The following ROS1 variants were observed in gnomAD, a reference collection of about 807,000 sequenced individuals.
The protein encoded by ROS1 is proto-oncogene tyrosine-protein kinase ROS.
A neutral mutation model predicts 273.5 loss-of-function variants in ROS1; 263 were observed. The ratio of observed to expected loss-of-function variants is 0.96; its 90% confidence interval spans 0.87 to 1.06. The LOEUF (loss-of-function observed/expected upper bound fraction) is 1.06. Ranked by LOEUF, ROS1 falls within the 50% of genes least tolerant of loss-of-function variation. The pLI is 0.00. For missense variants in ROS1, 2,833 were observed against 2,751.1 expected (o/e 1.03, Z -0.67); for synonymous variants, 1,008 against 954.1 (o/e 1.06, Z -1.04).
intron 18 of ROS1, among the ~76,000 whole-genome samples, chr6:117,371,443 A>C (rs1305565151): frequency 6.6e-6 from 1 of 152,166 alleles, no homozygotes; most frequent in African/African-American, 2.4e-5. Context: ...CCCCAGGGAA[A>C]CCATTCCTGA....
At chr6:117,327,391 C>T (rs1046077249) in intron 33 of ROS1, among the ~76,000 whole-genome samples, 1 of 152,124 alleles carries the variant, frequency 6.6e-6, no homozygotes. Flanking sequence ...TTAGCATTGG[C>T]CATTTCACTG....
rs1327350309 is a variant in ROS1, at chr6:117,287,885, TCCAG to T, written c.*603_*606del. On this transcript the variant is annotated 3_prime_UTR_variant, in exon 44 of 44. Coordinates refer to ENST00000368507, the MANE Select transcript of ROS1 (RefSeq NM_001378902.1). ...CAGTGCCGAGATCGTGCCATTGAAC[TCCAG>T]CCTGGGCAACAGAGCAAGACTTCGT... is the stretch of plus-strand genomic sequence containing the variant. Among the ~76,000 whole-genome samples the T allele has an allele frequency of 7.0e-6, 1 of 142,024 alleles. No individual in the cohort carries two copies. The highest frequency in any genetic ancestry group is 2.6e-5 in the African/African-American group (1 of 37,780). The allele number at this position is 142,024 out of a possible 152,430, so 93.2% of individuals were successfully genotyped here.
chr6:117,332,821 A>C (rs1777182696), intron 32 of ROS1, among the ~76,000 whole-genome samples: 1 of 152,206 alleles, frequency 6.6e-6, no homozygotes, highest in Non-Finnish European at 1.5e-5. Flanking sequence ...ATGTACCAGA[A>C]TCTCTGGGAC....
intron 2 of ROS1, 133 bp downstream of exon 2, chr6:117,418,329 T>C (rs981920460): frequency 1.2e-5 from 8 of 674,178 alleles, no homozygotes; most frequent in Non-Finnish European, 1.8e-5. Context: ...CTCATTATTT[T>C]CAATTTGTCT....
At chr6:117,421,626 T>C (rs1479648896) in intron 1 of ROS1, among the ~76,000 whole-genome samples, 2 of 152,204 alleles carry the variant, frequency 1.3e-5, no homozygotes, top group Non-Finnish European at 2.9e-5. Flanking sequence ...TAGTATTCCA[T>C]GGTGTATATA....
At chr6:117,300,104 T>TTA (rs1774587533) in intron 43 of ROS1, among the ~76,000 whole-genome samples, 1 of 141,150 alleles carries the variant, frequency 7.1e-6, no homozygotes, top group African/African-American at 2.6e-5. Context: ...TTTTTTTTTT[T>TTA]TTTTTTTTTG....
At chr6:117,342,960 A>G (rs1362094988) in intron 28 of ROS1, among the ~76,000 whole-genome samples, 1 of 152,186 alleles carries the variant, frequency 6.6e-6, no homozygotes, top group Non-Finnish European at 1.5e-5. Context: ...CCTTAGACCA[A>G]TGGTTCTCAA....
intron 5 of ROS1, 105 bp downstream of exon 5, chr6:117,409,477 A>T: frequency 1.3e-6 from 1 of 794,490 alleles, no homozygotes; most frequent in Admixed American, 1.9e-5. Flanking sequence ...TCATATTGAG[A>T]TGCAGAAATC....
Position 117,383,360 on chromosome 6 carries a change from C to A in ROS1, c.2438G>T (p.Ser813Ile). The A allele has an allele frequency of 6.2e-7, 1 of 1,614,090 alleles. No homozygotes were observed. The highest frequency in any genetic ancestry group is 8.5e-7 in the Non-Finnish European group (1 of 1,179,946). Residue 813 changes from serine to isoleucine, a missense_variant, in exon 17 of 44, where the codon AGT becomes ATT. Ser to Ile is a moderately radical substitution (Grantham distance 142). Coordinates refer to ENST00000368507, the MANE Select transcript of ROS1 (RefSeq NM_001378902.1). Reference protein sequence around the residue: ...SVESTRLNGESSLVLQTQPWF... With the variant: ...SVESTRLNGEISLVLQTQPWF... ...AGGCTGTGTCTGTAGTACAAGGGAACTTTCCCCATTTAGTCTGGTGCTTTC... is the reference window on the plus strand; with the variant it reads ...AGGCTGTGTCTGTAGTACAAGGGAAATTTCCCCATTTAGTCTGGTGCTTTC...
At chr6:117,366,384 C>A in intron 18 of ROS1, 94 bp from the exon 19 acceptor site, 1 of 826,556 alleles carries the variant, frequency 1.2e-6, no homozygotes, top group Non-Finnish European at 2.1e-6. Context: ...TTGTGAGTAT[C>A]TGTACGCATT....
At position 117,317,217 on chromosome 6, in the gene ROS1, G is replaced by A. The variant is rs762511151; in HGVS notation, c.6043C>T (p.Pro2015Ser). 2.5e-6 allele frequency: 4 copies of A among 1,613,164 alleles called. No individual in the cohort carries two copies. Among genetic ancestry groups the A allele is most frequent in the Admixed American group, 1.7e-5 (1 of 59,848 alleles). The change falls in exon 39 of 44, where the codon CCC (proline) becomes TCC (serine). Residue 2015 changes from proline (P) to serine (S), a missense_variant. Physicochemically the swap from Pro to Ser is moderately conservative, Grantham distance 74. Coordinates refer to ENST00000368507, the MANE Select transcript of ROS1 (RefSeq NM_001378902.1). ...ATCAGTTCCAGGATAATGTATTGGG[G>A]TTCATTCAGCAGACAAACTCCAAGC... ...KQLGVCLLNE[P>S]QYIILELMEG...
intron 4 of ROS1, among the ~76,000 whole-genome samples, chr6:117,414,226 T>C (rs1775160079): frequency 6.6e-6 from 1 of 152,098 alleles, no homozygotes; most frequent in African/African-American, 2.4e-5. Context: ...GGTCCAGGGA[T>C]TATAACCTCC....
chr6:117,370,957 C>T (rs1226121348), intron 18 of ROS1, among the ~76,000 whole-genome samples: 3 of 152,018 alleles, frequency 2.0e-5, no homozygotes, highest in Non-Finnish European at 4.4e-5. Flanking sequence ...GAACCAAATG[C>T]CGTAATTAAA....
At chr6:117,296,906 A>G (rs1774290637) in intron 43 of ROS1, among the ~76,000 whole-genome samples, 1 of 152,186 alleles carries the variant, frequency 6.6e-6, no homozygotes, top group African/African-American at 2.4e-5. Context: ...AAAACATCTC[A>G]TGTACCCTGT....
intron 18 of ROS1, 61 bp downstream of exon 18, chr6:117,378,998 T>C: frequency 1.0e-6 from 1 of 970,648 alleles, no homozygotes; most frequent in Non-Finnish European, 1.6e-6. Flanking sequence ...TTTCCATGCA[T>C]TATCATTTAT....
rs976398256 is a variant in ROS1, at chr6:117,357,876, T to C, written c.3767A>G (p.Lys1256Arg). 6.2e-7 allele frequency: 1 copy of C among 1,613,748 alleles called. No individual in the cohort carries two copies. The highest frequency in any genetic ancestry group is 1.1e-5 in the South Asian group (1 of 91,076). Residue 1256 changes from lysine to arginine, a missense_variant, in exon 25 of 44, where the codon AAA becomes AGA. Physicochemically the swap from Lys to Arg is conservative, Grantham distance 26 (BLOSUM62 2). Coordinates refer to ENST00000368507, the MANE Select transcript of ROS1 (RefSeq NM_001378902.1). ...VFDVDLEHKV[K>R]YPREVKIHNR... is the part of the protein sequence containing the mutation. ...GTGAATCTTCACCTCTCTGGGATAT[T>C]TCACCTTGTGTTCAAGATCAACATC... is the stretch of plus-strand genomic sequence containing the variant.
chr6:117,422,658 A>T (rs572579153), intron 1 of ROS1, among the ~76,000 whole-genome samples: 1 of 152,146 alleles, frequency 6.6e-6, no homozygotes, highest in East Asian at 1.9e-4. Context: ...ATTATTTCTA[A>T]TAGTCTTTCA....
intron 5 of ROS1, among the ~76,000 whole-genome samples, chr6:117,405,427 G>C (rs1483870600): frequency 6.6e-6 from 1 of 152,088 alleles, no homozygotes; most frequent in Admixed American, 6.5e-5. Flanking sequence ...GCAAAGCACA[G>C]CTCCATTTTC....
intron 17 of ROS1, among the ~76,000 whole-genome samples, chr6:117,381,801 A>G (rs923752532): frequency 1.3e-5 from 2 of 152,150 alleles, no homozygotes; most frequent in African/African-American, 4.8e-5. Context: ...AAATACTATT[A>G]GTTCTTTAAG....
Sources: gnomAD v4.1 joint callset for allele counts (sites outside exome capture counted in the v4.1 genomes callset) on GRCh38, gnomAD v4.1.1 for gene constraint, MANE v1.5 for transcripts, NCBI Gene and HGNC (gene_info 2026-07-23, HGNC 2026-07-21) for gene names.